LCORL: variants seen among roughly 807,000 people sequenced by gnomAD.
The protein encoded by LCORL is ligand-dependent nuclear receptor corepressor-like protein.
LCORL carries 41 observed loss-of-function variants against 141.8 expected under a neutral mutation model. That is an observed-to-expected ratio of 0.29 (90% CI 0.23 to 0.38). The LOEUF (loss-of-function observed/expected upper bound fraction) is 0.38. LCORL is among the 10% of genes least tolerant of loss of function. The pLI, the probability that LCORL is intolerant of heterozygous loss-of-function variation, is 1.00. For synonymous variants in LCORL, 618 were observed against 694.1 expected (o/e 0.89, Z 1.72); for missense variants, 1,759 against 2,035.0 (o/e 0.86, Z 2.61).
At chr4:17,882,290 A>T (rs920917087) in intron 6 of LCORL, 1 of 984,730 alleles carries the variant, frequency 1.0e-6, no homozygotes. Flanking sequence ...TAGAAAAATG[A>T]TCAGAACCTG....
At chr4:17,981,884 C>T (rs1454320886) in intron 1 of LCORL, among the ~76,000 whole-genome samples, 1 of 152,014 alleles carries the variant, frequency 6.6e-6, no homozygotes, top group Non-Finnish European at 1.5e-5. Flanking sequence ...TTTTTCTGAT[C>T]CTCTTGCTCC....
At chr4:17,932,846 G>C (rs1399303921) in intron 4 of LCORL, among the ~76,000 whole-genome samples, 1 of 152,130 alleles carries the variant, frequency 6.6e-6, no homozygotes, top group Non-Finnish European at 1.5e-5. Flanking sequence ...AATGTTTGCT[G>C]ACTACAGCTC....
intron 1 of LCORL, among the ~76,000 whole-genome samples, chr4:17,993,603 T>C (rs537197442): frequency 7.2e-5 from 11 of 152,320 alleles, no homozygotes; most frequent in African/African-American, 2.6e-4. Context: ...GCTGAAGATG[T>C]GTGCAACACA....
exon 7 of LCORL, chr4:17,876,812 A>G (rs1726970915): frequency 8.1e-7 from 1 of 1,230,718 alleles, no homozygotes. Flanking sequence ...TCATTTTCTC[A>G]GGGGAAGTTG....
chr4:17,903,840 T>C (rs1053355594), intron 5 of LCORL, among the ~76,000 whole-genome samples: 1 of 152,000 alleles, frequency 6.6e-6, no homozygotes, highest in African/African-American at 2.4e-5. Context: ...TTGAAAAGAT[T>C]TGTAGAGTAA....
chr4:17,935,045 T>TA (rs1202147185), intron 4 of LCORL, among the ~76,000 whole-genome samples: 4 of 151,844 alleles, frequency 2.6e-5, no homozygotes, highest in South Asian at 4.2e-4. Flanking sequence ...CAGTTCTGAC[T>TA]AAAAAAAAGT....
At chr4:17,950,271 A>G (rs1044089880) in intron 4 of LCORL, among the ~76,000 whole-genome samples, 10 of 152,294 alleles carry the variant, frequency 6.6e-5, no homozygotes, top group African/African-American at 1.7e-4. Context: ...ATCAAGGAAC[A>G]TATGGAGAAA....
exon 7 of LCORL, chr4:17,875,708 T>G: frequency 2.4e-6 from 3 of 1,231,362 alleles, no homozygotes; most frequent in Non-Finnish European, 3.0e-6. Flanking sequence ...TTCCAATTGG[T>G]CGCTTAATCT....
intron 5 of LCORL, among the ~76,000 whole-genome samples, chr4:17,907,427 A>G (rs911267892): frequency 6.6e-6 from 1 of 152,148 alleles, no homozygotes; most frequent in Non-Finnish European, 1.5e-5. Flanking sequence ...AAGTAACTTA[A>G]GTAAGTAGCA....
intron 4 of LCORL, among the ~76,000 whole-genome samples, chr4:17,958,790 C>CT: frequency 6.6e-6 from 1 of 152,032 alleles, no homozygotes; most frequent in South Asian, 2.1e-4. Flanking sequence ...GAAATACTAA[C>CT]TCAGGACCTA....
At chr4:17,907,541 G>A (rs1247872344) in intron 5 of LCORL, among the ~76,000 whole-genome samples, 6 of 152,104 alleles carry the variant, frequency 3.9e-5, no homozygotes. Context: ...ATAAGGCATG[G>A]AAAAGCAAAT....
intron 1 of LCORL, among the ~76,000 whole-genome samples, chr4:17,986,795 A>G (rs1417743668): frequency 1.3e-5 from 2 of 151,988 alleles, no homozygotes; most frequent in African/African-American, 4.8e-5. Context: ...CTACTTCTCA[A>G]CTGAACTGTT....
At chr4:17,846,953 GTGA>G (rs2109087082) in intron 7 of LCORL, among the ~76,000 whole-genome samples, 1 of 152,264 alleles carries the variant, frequency 6.6e-6, no homozygotes, top group East Asian at 1.9e-4. Context: ...TCTTTTCTCT[GTGA>G]AGATAAGCAC....
chr4:17,897,213 CTTTTTTTTTTTTTTTTTTTTTTTT>C lies in LCORL; in HGVS notation c.683-11076_683-11053del, dbSNP rs761784734. On this transcript the variant is annotated intron_variant, in intron 5 of 7. Coordinates refer to ENST00000635767, the Ensembl canonical transcript of LCORL. ...AGACTTCTCTTTGATATACTGATTT[CTTTTTTTTTTTTTTTTTTTTTTTT>C]TTTTTTTTTTTTTTAGGGTATATAC... Among the ~76,000 whole-genome samples the C allele has an allele frequency of 2.7e-4, 17 of 63,998 alleles. 2 individuals carry two copies. The highest frequency in any genetic ancestry group is 2.0e-3 in the Admixed American group (8 of 4,014). The allele number at this position is 63,998 out of a possible 152,430, so 42.0% of individuals were successfully genotyped here.
rs77658461 is a variant in LCORL, at chr4:17,914,880, T to A, written c.431-5535A>T. 2.4e-3 allele frequency among the ~76,000 whole-genome samples: 370 copies of A among 152,372 alleles called. 2 individuals are homozygous for A. The highest frequency in any genetic ancestry group is 7.7e-3 in the African/African-American group (321 of 41,598). On this transcript the variant is annotated intron_variant, in intron 4 of 7. Coordinates refer to ENST00000635767, the Ensembl canonical transcript of LCORL. ...CTTCAAGATGGTCCTCAATAATTCC[T>A]GCCTCCTGATATAACACTGCTGTGC... is the stretch of plus-strand genomic sequence containing the variant.
intron 7 of LCORL, among the ~76,000 whole-genome samples, chr4:17,870,112 C>T (rs1726161848): frequency 6.6e-6 from 1 of 152,090 alleles, no homozygotes; most frequent in Admixed American, 6.6e-5. Context: ...TTTTATGCCT[C>T]AGTTCTGATA....
intron 7 of LCORL, among the ~76,000 whole-genome samples, chr4:17,858,521 TC>T (rs1387285603): frequency 6.6e-6 from 1 of 151,368 alleles, no homozygotes; most frequent in Non-Finnish European, 1.5e-5. Flanking sequence ...GGTCAGGAGT[TC>T]GAGACCAGCC....
At chr4:17,869,647 TG>T (rs1166379789) in intron 7 of LCORL, among the ~76,000 whole-genome samples, 1 of 152,174 alleles carries the variant, frequency 6.6e-6, no homozygotes, top group East Asian at 1.9e-4. Flanking sequence ...AATCTTACAA[TG>T]AGTAATCTCA....
chr4:17,994,849 T>C (rs1720653483), intron 1 of LCORL, among the ~76,000 whole-genome samples: 1 of 151,698 alleles, frequency 6.6e-6, no homozygotes, highest in Non-Finnish European at 1.5e-5. Context: ...TACTATAAGC[T>C]CCAAAGAAGC....
Sources: gnomAD v4.1 joint callset for allele counts (sites outside exome capture counted in the v4.1 genomes callset) on GRCh38, gnomAD v4.1.1 for gene constraint, MANE v1.5 for transcripts, NCBI Gene and HGNC (gene_info 2026-07-23, HGNC 2026-07-21) for gene names.